FCRL6: variants seen among roughly 807,000 people sequenced by gnomAD.
FCRL6 encodes the protein Fc receptor-like protein 6.
A neutral mutation model predicts 49.1 loss-of-function variants in FCRL6; 50 were observed. That is an observed-to-expected ratio of 1.02 (90% confidence interval 0.81 to 1.29). The LOEUF (loss-of-function observed/expected upper bound fraction) is 1.29, where lower values mean the gene tolerates loss of function less well. FCRL6 is among the 50% of genes most tolerant of loss of function. The probability of loss-of-function intolerance (pLI) is 0.00; values close to 1 mark genes in which losing one functional copy is unlikely to be tolerated. For synonymous variants in FCRL6, 213 were observed against 199.6 expected, an observed-to-expected ratio of 1.07 and a Z score of -0.57; for missense variants, 571 against 518.5, an observed-to-expected ratio of 1.10 and a Z score of -0.98.
chr1:159,807,359 T>C (rs894559305), intron 2 of FCRL6, among the ~76,000 whole-genome samples: 3 of 152,092 alleles, frequency 2.0e-5, no homozygotes, highest in Admixed American at 2.0e-4. Context: ...TGTCTGGGAA[T>C]GGGGGTGTCT....
At chr1:159,813,307 A>G (rs1187444295) in intron 6 of FCRL6, among the ~76,000 whole-genome samples, 182 bp from the exon 7 acceptor site, 2 of 152,122 alleles carry the variant, frequency 1.3e-5, no homozygotes, top group African/African-American at 2.4e-5. Context: ...CATCTAGGGT[A>G]TTTTTCAAAG....
intron 1 of FCRL6, among the ~76,000 whole-genome samples, chr1:159,804,268 T>C (rs1464389090): frequency 2.0e-5 from 3 of 152,196 alleles, no homozygotes; most frequent in Non-Finnish European, 4.4e-5. Flanking sequence ...TCTGCCTCCA[T>C]GATCCCTCTA....
intron 1 of FCRL6, among the ~76,000 whole-genome samples, chr1:159,803,559 G>A (rs965133308): frequency 6.6e-6 from 1 of 152,182 alleles, no homozygotes; most frequent in African/African-American, 2.4e-5. Context: ...TCACACTGAG[G>A]CGGGGACAGG....
chr1:159,804,574 G>A (rs1247296430), intron 1 of FCRL6, among the ~76,000 whole-genome samples: 2 of 152,236 alleles, frequency 1.3e-5, no homozygotes, highest in African/African-American at 2.4e-5. Context: ...CCTCATTGCA[G>A]GAACTGCTGT....
At chr1:159,808,538 T>C in intron 3 of FCRL6, 94 bp downstream of exon 3, 2 of 1,482,424 alleles carry the variant, frequency 1.3e-6, no homozygotes, top group South Asian at 2.4e-5. Flanking sequence ...GACCCCTGTC[T>C]CTGGCTGCCC....
intron 6 of FCRL6, 84 bp from the exon 7 acceptor site, chr1:159,813,405 T>C (rs927454150): frequency 1.6e-6 from 2 of 1,238,004 alleles, no homozygotes; most frequent in Admixed American, 3.4e-5. Context: ...GGCCTCCTTG[T>C]CATTCTTGCT....
At chr1:159,809,369 C>A in intron 4 of FCRL6, 33 bp from the exon 5 acceptor site, 2 of 1,554,656 alleles carry the variant, frequency 1.3e-6, no homozygotes, top group South Asian at 2.5e-5. Context: ...CCTGGGTGGT[C>A]AGGCTGAGCC....
chr1:159,810,024 TG>T, intron 5 of FCRL6, 69 bp from the exon 6 acceptor site: 1 of 1,542,152 alleles, frequency 6.5e-7, no homozygotes, highest in South Asian at 1.2e-5. Flanking sequence ...GCCTGTTCTG[TG>T]CCAGGCTAGA....
At chr1:159,806,552 C>G (rs995097317) in intron 1 of FCRL6, 44 bp from the exon 2 acceptor site, 2 of 1,594,316 alleles carry the variant, frequency 1.3e-6, no homozygotes, top group Non-Finnish European at 1.7e-6. Flanking sequence ...TCAGAAAGCT[C>G]TTTTTGCTAC....
chr1:159,808,140 C>T, intron 2 of FCRL6, 38 bp from the exon 3 acceptor site: 2 of 1,579,316 alleles, frequency 1.3e-6, no homozygotes, highest in African/African-American at 1.3e-5. Flanking sequence ...CTGATGGGAC[C>T]TGTAGCTCCA....
Position 159,813,506 on chromosome 1 carries a change from A to C in FCRL6, c.1027A>C (p.Ile343Leu). 6.2e-7 allele frequency: 1 copy of C among 1,614,044 alleles called. No individual in the cohort carries two copies. The highest frequency in any genetic ancestry group is 8.5e-7 in the Non-Finnish European group (1 of 1,179,934). The change falls in exon 7 of 10, where the codon ATA becomes CTA. Residue 343 changes from isoleucine (I) to leucine (L), a missense_variant. Coordinates refer to ENST00000368106, the MANE Select transcript of FCRL6 (RefSeq NM_001004310.3). The stretch of plus-strand genomic sequence containing the variant: ...TCTCCTAGGGCCCCTTCCATCCCAG[A>C]TACCACCCACAGCTCCAGGTGGAGA... The part of the protein sequence containing the change: ...WRKAGPLPSQ[I>L]PPTAPGGEQC...
chr1:159,809,186 T>C lies in FCRL6; in HGVS notation c.545T>C (p.Val182Ala), dbSNP rs936220869. Residue 182 changes from valine (V) to alanine (A), a missense_variant, in exon 4 of 10, where the codon GTG (valine) becomes GCG (alanine). By Grantham distance (64) the Val-to-Ala change is moderately conservative. Transcript: ENST00000368106. ...GACTCTGGGCTTTACTGGTGTGAGG[T>C]GGCCCCTGAGGGTGGCCAGGTCCAG... Reference protein sequence around the residue: ...EGDSGLYWCEVAPEGGQVQKQ... With the variant: ...EGDSGLYWCEAAPEGGQVQKQ... 8 of 1,607,166 alleles carry C rather than the reference T, an allele frequency of 5.0e-6. No homozygotes were observed. The highest frequency in any genetic ancestry group is 2.2e-5 in the East Asian group (1 of 44,778).
chr1:159,815,436 G>C lies in FCRL6; in HGVS notation c.1156G>C (p.Ala386Pro). The C allele has an allele frequency of 6.2e-7, 1 of 1,614,010 alleles. No homozygotes were observed. The highest frequency in any genetic ancestry group is 1.1e-5 in the South Asian group (1 of 91,078). The change falls in exon 9 of 10, where the codon GCT (alanine) becomes CCT (proline). Residue 386 changes from alanine to proline, a missense_variant. Coordinates refer to ENST00000368106, the MANE Select transcript of FCRL6 (RefSeq NM_001004310.3). ...TCATTCTTTCCCCACAGCCAGGTCT[G>C]CTGAGTTCACCGTGGGGAGAAAGGT... is the stretch of plus-strand genomic sequence containing the variant. Reference protein sequence around the residue: ...RTSKRSEARSAEFTVGRKDSS... With the variant: ...RTSKRSEARSPEFTVGRKDSS...
At position 159,809,175 on chromosome 1, in the gene FCRL6, C is replaced by T. The variant is rs558687059; in HGVS notation, c.534C>T (p.Tyr178=). ...CCAAGGAGGGAGACTCTGGGCTTTACTGGTGTGAGGTGGCCCCTGAGGGTG... is the reference window on the plus strand; with the variant it reads ...CCAAGGAGGGAGACTCTGGGCTTTATTGGTGTGAGGTGGCCCCTGAGGGTG... The part of the protein sequence containing the change: ...PGAKEGDSGL[Y]WCEVAPEGGQ... Residue 178 remains tyrosine (Y), a synonymous_variant, in exon 4 of 10, where the codon TAC becomes TAT. Transcript: ENST00000368106. The T allele has an allele frequency of 3.1e-6, 5 of 1,612,306 alleles. No homozygotes were observed. Among genetic ancestry groups the T allele is most frequent in the Non-Finnish European group, 4.2e-6 (5 of 1,179,186 alleles).
At chr1:159,802,354 GT>G, upstream of FCRL6, 4 of 1,596,040 alleles carry the variant, frequency 2.5e-6, no homozygotes, top group Admixed American at 1.7e-5. Flanking sequence ...CTGAGGCCTG[GT>G]TGCTCTCTGC....
At chr1:159,810,982 C>T (rs924041885) in intron 6 of FCRL6, among the ~76,000 whole-genome samples, 1 of 152,182 alleles carries the variant, frequency 6.6e-6, no homozygotes, top group Non-Finnish European at 1.5e-5. Flanking sequence ...CCAGCAGGTT[C>T]CCAGGCTGCC....
At chr1:159,807,250 T>A (rs1662753559) in intron 2 of FCRL6, among the ~76,000 whole-genome samples, 1 of 152,202 alleles carries the variant, frequency 6.6e-6, no homozygotes, top group Admixed American at 6.5e-5. Flanking sequence ...GGAGAGTGGG[T>A]CCTAAGGATC....
At chr1:159,806,369 G>A (rs1371739174) in intron 1 of FCRL6, among the ~76,000 whole-genome samples, 1 of 151,356 alleles carries the variant, frequency 6.6e-6, no homozygotes, top group African/African-American at 2.4e-5. Flanking sequence ...TGGGTGGTTG[G>A]ATGGTTGGAT....
At chr1:159,806,412 GT>G (rs973371207) in intron 1 of FCRL6, among the ~76,000 whole-genome samples, 183 bp from the exon 2 acceptor site, 8 of 152,188 alleles carry the variant, frequency 5.3e-5, no homozygotes, top group African/African-American at 1.9e-4. Context: ...TGGCTGGGTT[GT>G]TTGGTGGTTG....
Sources: gnomAD v4.1 joint callset for allele counts (sites outside exome capture counted in the v4.1 genomes callset) on GRCh38, gnomAD v4.1.1 for gene constraint, MANE v1.5 for transcripts, NCBI Gene and HGNC (gene_info 2026-07-23, HGNC 2026-07-21) for gene names.